Variants in YTHDF2 observed in about 807,000 individuals in gnomAD.
YTHDF2 encodes the protein YTH N6-methyladenosine RNA binding protein F2.
YTHDF2 carries 2 observed loss-of-function variants against 50.4 expected under a neutral mutation model. That is an observed-to-expected ratio of 0.04 (90% confidence interval 0.02 to 0.12). The LOEUF (loss-of-function observed/expected upper bound fraction) is 0.12, where lower values mean the gene tolerates loss of function less well. Ranked by LOEUF, YTHDF2 falls within the 10% of genes least tolerant of loss-of-function variation. The pLI is 1.00. For synonymous variants in YTHDF2, 217 were observed against 255.6 expected, an observed-to-expected ratio of 0.85 and a Z score of 1.44; for missense variants, 483 against 722.6, an observed-to-expected ratio of 0.67 and a Z score of 3.80.
intron 4 of YTHDF2, among the ~76,000 whole-genome samples, chr1:28,751,434 C>A (rs2087950756): frequency 6.6e-6 from 1 of 152,086 alleles, no homozygotes; most frequent in East Asian, 1.9e-4. Context: ...CTGTTTTAAA[C>A]CAGGATGACA....
chr1:28,746,271 TAATAA>T (rs1010266854), intron 4 of YTHDF2, among the ~76,000 whole-genome samples: 7 of 152,110 alleles, frequency 4.6e-5, no homozygotes, highest in Non-Finnish European at 7.4e-5. Flanking sequence ...TTAATCTTTA[TAATAA>T]AATTCTGTCC....
intron 4 of YTHDF2, among the ~76,000 whole-genome samples, chr1:28,762,518 G>A (rs1255972809): frequency 6.6e-6 from 1 of 152,200 alleles, no homozygotes; most frequent in African/African-American, 2.4e-5. Flanking sequence ...AACTAGTTGA[G>A]AGCTATATAG....
At chr1:28,750,357 G>A (rs2124182856) in intron 4 of YTHDF2, among the ~76,000 whole-genome samples, 1 of 152,210 alleles carries the variant, frequency 6.6e-6, no homozygotes, top group Middle Eastern at 3.4e-3. Context: ...GAGGTTATAT[G>A]GAGAAATATT....
chr1:28,765,601 G>A (rs886801208), intron 4 of YTHDF2, among the ~76,000 whole-genome samples: 1 of 151,886 alleles, frequency 6.6e-6, no homozygotes, highest in Non-Finnish European at 1.5e-5. Flanking sequence ...ACCACACCCA[G>A]CTAAGTTAAA....
At chr1:28,759,929 G>A (rs572591967) in intron 4 of YTHDF2, among the ~76,000 whole-genome samples, 210 of 152,254 alleles carry the variant, frequency 1.4e-3, no homozygotes, top group African/African-American at 4.9e-3. Flanking sequence ...GTGCTCCAGC[G>A]TGGGCAACAG....
At chr1:28,753,650 A>G (rs1443132583) in intron 4 of YTHDF2, among the ~76,000 whole-genome samples, 1 of 151,724 alleles carries the variant, frequency 6.6e-6, no homozygotes, top group Non-Finnish European at 1.5e-5. Context: ...ATGGTAAGTG[A>G]TAACGCTGGA....
chr1:28,767,110 T>TG (rs2088231062), intron 4 of YTHDF2, among the ~76,000 whole-genome samples: 1 of 151,922 alleles, frequency 6.6e-6, no homozygotes, highest in Non-Finnish European at 1.5e-5. Flanking sequence ...CCCAAAGTGT[T>TG]GGGATTACAG....
chr1:28,767,298 C>T (rs984929770), intron 4 of YTHDF2, among the ~76,000 whole-genome samples: 2 of 152,030 alleles, frequency 1.3e-5, no homozygotes, highest in African/African-American at 4.8e-5. Context: ...TTGCATGATG[C>T]TGTTTTGAAT....
Position 28,769,032 on chromosome 1 carries a change from AC to A in YTHDF2, c.*81del, listed in dbSNP as rs2088263686. The A allele has an allele frequency of 7.9e-7, 1 of 1,271,026 alleles. No homozygotes were observed. Among genetic ancestry groups the A allele is most frequent in the African/African-American group, 1.5e-5 (1 of 66,126 alleles). 78.7% of individuals were successfully genotyped at this position (1,271,026 alleles called of 1,614,324 possible). A position where few individuals can be genotyped will look rare whatever the true frequency, so the allele number is the denominator to read the frequency against. On this transcript the variant is annotated 3_prime_UTR_variant, in exon 5 of 5. Coordinates refer to ENST00000373812, the MANE Select transcript of YTHDF2 (RefSeq NM_016258.3). ...AAAAATGACCTTCAAGAGAATTAGG[AC>A]TTTTTTCTTAATTTCACTGACTTCA...
intron 3 of YTHDF2, among the ~76,000 whole-genome samples, chr1:28,741,644 G>A (rs1301618812): frequency 6.6e-6 from 1 of 152,148 alleles, no homozygotes; most frequent in Non-Finnish European, 1.5e-5. Context: ...TCCTTTTCAG[G>A]TTATAACTGA....
intron 4 of YTHDF2, among the ~76,000 whole-genome samples, chr1:28,760,588 T>C (rs1224555378): frequency 6.6e-6 from 1 of 151,408 alleles, no homozygotes; most frequent in Non-Finnish European, 1.5e-5. Flanking sequence ...ACACCTGGCT[T>C]TTTTTTTGAG....
intron 4 of YTHDF2, among the ~76,000 whole-genome samples, chr1:28,749,986 G>GTTTTTTTTTTTTTTTTTTTTTTTTTTTT (rs371730633): frequency 2.6e-5 from 2 of 78,332 alleles, no homozygotes; most frequent in Admixed American, 2.0e-4. Flanking sequence ...AAAAAAGGTT[G>GTTTTTTTTTTTTTTTTTTTTTTTTTTTT]TTTTTTTTTT....
chr1:28,752,456 C>T (rs559667915), intron 4 of YTHDF2, among the ~76,000 whole-genome samples: 14 of 152,098 alleles, frequency 9.2e-5, no homozygotes, highest in African/African-American at 2.2e-4. Flanking sequence ...CCACCACTCC[C>T]GGCTAATTTT....
intron 4 of YTHDF2, among the ~76,000 whole-genome samples, chr1:28,758,937 C>T (rs2088074018): frequency 6.6e-6 from 1 of 152,156 alleles, no homozygotes; most frequent in Non-Finnish European, 1.5e-5. Context: ...TTAAAAAATA[C>T]ATTGATAACC....
rs1218248698 is a variant in YTHDF2, at chr1:28,743,020, A to G, written c.750A>G (p.Gln250=). The change falls in exon 4 of 5, where the codon CAA becomes CAG. Residue 250 remains glutamine, a synonymous_variant. Transcript: ENST00000373812. The surrounding 1 kb of genome is among the most constrained non-coding windows in gnomAD (Gnocchi z 6.9). ...ADIASKPAKQ[Q]PKLKTKNGIA... ...TTGCTAGCAAGCCTGCAAAACAGCA[A>G]CCTAAACTGAAGACCAAGAATGGCA... 5 of 1,614,082 alleles carry G rather than the reference A, an allele frequency of 3.1e-6. No individual in the cohort carries two copies. The highest frequency in any genetic ancestry group is 4.2e-6 in the Non-Finnish European group (5 of 1,180,046).
At position 28,737,536 on chromosome 1, in the gene YTHDF2, C is replaced by T. The variant is rs981890529; in HGVS notation, c.28-122C>T. On this transcript the variant is annotated intron_variant, in intron 1 of 4. Coordinates refer to ENST00000373812, the MANE Select transcript of YTHDF2 (RefSeq NM_016258.3). ...TTTCAGCCTCTTCCTCACTACCATT[C>T]CTGACGCCTCCCCTCGGGCCTGCTC... 5.2e-6 allele frequency: 7 copies of T among 1,354,036 alleles called. No individual in the cohort carries two copies. In the African/African-American group the frequency reaches 5.8e-5, roughly 11 times the overall value. The allele number at this position is 1,354,036 out of a possible 1,614,324, so 83.9% of individuals were successfully genotyped here.
At chr1:28,740,905 T>C (rs1239423632) in intron 3 of YTHDF2, among the ~76,000 whole-genome samples, 1 of 151,870 alleles carries the variant, frequency 6.6e-6, no homozygotes, top group Non-Finnish European at 1.5e-5. Context: ...GGGTTTTAAC[T>C]GTGTTAGCCA....
chr1:28,764,170 C>T (rs1455793374), intron 4 of YTHDF2, among the ~76,000 whole-genome samples: 3 of 151,714 alleles, frequency 2.0e-5, no homozygotes, highest in East Asian at 3.9e-4. Flanking sequence ...AGGCTGGTCT[C>T]GAACTCCCGA....
At chr1:28,766,637 G>T (rs1011996071) in intron 4 of YTHDF2, among the ~76,000 whole-genome samples, 1 of 151,906 alleles carries the variant, frequency 6.6e-6, no homozygotes, top group Non-Finnish European at 1.5e-5. Context: ...TAAATAACTT[G>T]TTTCTCATCA....
Sources: gnomAD v4.1 joint callset for allele counts (sites outside exome capture counted in the v4.1 genomes callset) on GRCh38, gnomAD v4.1.1 for gene constraint, Gnocchi (gnomAD v3.1) non-coding constraint, MANE v1.5 for transcripts, NCBI Gene and HGNC (gene_info 2026-07-23, HGNC 2026-07-21) for gene names.